CACNA2D3: variants seen among roughly 807,000 people sequenced by gnomAD.
CACNA2D3 encodes the protein calcium voltage-gated channel auxiliary subunit alpha2delta 3.
Under a neutral mutation model 160.6 loss-of-function variants are expected in CACNA2D3, and 60 were observed. The observed-to-expected ratio is 0.37, with a 90% CI of 0.30 to 0.46. The LOEUF (loss-of-function observed/expected upper bound fraction) is 0.46, where lower values mean the gene tolerates loss of function less well. Among genes scored for constraint, CACNA2D3 ranks in the 20% least tolerant of loss-of-function variants. CACNA2D3 has a pLI of 1.00. For synonymous variants in CACNA2D3, 558 were observed against 492.9 expected, an observed-to-expected ratio of 1.13 and a Z score of -1.75; for missense variants, 1,205 against 1,365.0, an observed-to-expected ratio of 0.88 and a Z score of 1.85.
chr3:54,675,791 G>A (rs1487465041), intron 11 of CACNA2D3, among the ~76,000 whole-genome samples: 2 of 152,252 alleles, frequency 1.3e-5, no homozygotes, highest in East Asian at 1.9e-4. Context: ...GAAGAGTGAC[G>A]AAAGTAAAGG....
chr3:54,149,928 T>TCC lies in CACNA2D3; in HGVS notation c.204+26335_204+26336insCC, dbSNP rs1700112205. Among the ~76,000 whole-genome samples the TCC allele has an allele frequency of 1.5e-3, 52 of 35,540 alleles. 1 individual carries two copies. The highest frequency in any genetic ancestry group is 3.2e-3 in the Admixed American group (12 of 3,756). The allele number at this position is 35,540 out of a possible 152,430, so 23.3% of individuals were successfully genotyped here. On this transcript the variant is annotated intron_variant, in intron 2 of 37. Coordinates refer to ENST00000474759, the MANE Select transcript of CACNA2D3 (RefSeq NM_018398.3). ...CTCTCTCTCTCTCTCTCTCTCTCTC[T>TCC]CTCCCTCCCTCCCTCCCTCCCTCCC...
intron 27 of CACNA2D3, among the ~76,000 whole-genome samples, chr3:54,928,463 C>G (rs1211233370): frequency 1.3e-5 from 2 of 152,116 alleles, no homozygotes; most frequent in African/African-American, 4.8e-5. Flanking sequence ...GCAGAGCCCG[C>G]AGAGTGTGTA....
intron 2 of CACNA2D3, among the ~76,000 whole-genome samples, chr3:54,288,061 A>G (rs539214900): frequency 6.6e-6 from 1 of 152,228 alleles, no homozygotes; most frequent in Non-Finnish European, 1.5e-5. Flanking sequence ...AAGGCAAGAA[A>G]TAACTAAAAT....
intron 13 of CACNA2D3, among the ~76,000 whole-genome samples, chr3:54,790,571 G>C (rs1293991986): frequency 6.6e-6 from 1 of 152,124 alleles, no homozygotes; most frequent in African/African-American, 2.4e-5. Context: ...AACTCTACAG[G>C]TGCACCTTCT....
intron 29 of CACNA2D3, among the ~76,000 whole-genome samples, chr3:54,984,362 A>G (rs550501063): frequency 2.0e-5 from 3 of 151,810 alleles, no homozygotes; most frequent in South Asian, 4.2e-4. Flanking sequence ...ATTTTATTCC[A>G]ATCTGGATCA....
rs1366073148 is a variant in CACNA2D3 at position 55,004,748 on chromosome 3, AT to A, written c.2691-12del. Reference sequence around the variant, plus strand: ...TTCTCATTTAGTGAAGCTCCCTTCCATTTCTTTCCTGTAGAATTACCCTTTA... The same window carrying A: ...TTCTCATTTAGTGAAGCTCCCTTCCATTCTTTCCTGTAGAATTACCCTTTA... On this transcript the variant is annotated splice_polypyrimidine_tract_variant and intron_variant, in intron 31 of 37. Transcript: ENST00000474759. 6.3e-7 allele frequency: 1 copy of A among 1,598,018 alleles called. No individual in the cohort carries two copies. The highest frequency in any genetic ancestry group is 2.2e-5 in the East Asian group (1 of 44,752).
intron 2 of CACNA2D3, among the ~76,000 whole-genome samples, chr3:54,201,176 A>T (rs895841974): frequency 3.3e-5 from 5 of 152,240 alleles, no homozygotes; most frequent in African/African-American, 9.6e-5. Context: ...CACGTTTTGT[A>T]TATATTGGAT....
intron 11 of CACNA2D3, among the ~76,000 whole-genome samples, chr3:54,643,412 A>T (rs1200011709): frequency 1.3e-5 from 2 of 151,964 alleles, no homozygotes; most frequent in Non-Finnish European, 2.9e-5. Flanking sequence ...TGGTCCCCAA[A>T]TGGGTGCCAA....
intron 2 of CACNA2D3, among the ~76,000 whole-genome samples, chr3:54,259,335 TG>T (rs2107437397): frequency 6.6e-6 from 1 of 152,360 alleles, no homozygotes; most frequent in African/African-American, 2.4e-5. Context: ...CTGAGAGTTT[TG>T]ATCAAGAGAA....
At chr3:54,996,818 T>C (rs2360666) in intron 31 of CACNA2D3, among the ~76,000 whole-genome samples, 72,182 of 151,950 alleles carry the variant, frequency 0.48, 17,510 homozygotes, top group East Asian at 0.56. Flanking sequence ...GTGGCACATA[T>C]ACACCATGGA....
chr3:54,979,506 CAGA>C (rs1224546289), intron 29 of CACNA2D3, among the ~76,000 whole-genome samples: 1 of 152,126 alleles, frequency 6.6e-6, no homozygotes, highest in African/African-American at 2.4e-5. Context: ...AATTTTTTCG[CAGA>C]AGTATAGTTT....
At chr3:54,206,612 A>G (rs567662822) in intron 2 of CACNA2D3, among the ~76,000 whole-genome samples, 2 of 152,304 alleles carry the variant, frequency 1.3e-5, no homozygotes, top group East Asian at 1.9e-4. Flanking sequence ...TGTAGCAGCC[A>G]TGTTGCACTA....
chr3:54,394,234 G>A (rs966020138), intron 4 of CACNA2D3, among the ~76,000 whole-genome samples: 6 of 151,920 alleles, frequency 3.9e-5, no homozygotes, highest in Non-Finnish European at 4.4e-5. Context: ...TCCCCGGAGC[G>A]GCCTTAGCTG....
intron 3 of CACNA2D3, among the ~76,000 whole-genome samples, chr3:54,344,283 C>G (rs780309289): frequency 1.1e-4 from 17 of 152,134 alleles, no homozygotes; most frequent in Non-Finnish European, 2.4e-4. Flanking sequence ...GTCTGGACTT[C>G]TGACTTGATT....
chr3:54,735,511 C>T (rs148872533), intron 11 of CACNA2D3, among the ~76,000 whole-genome samples: 8 of 152,302 alleles, frequency 5.3e-5, no homozygotes, highest in Admixed American at 1.3e-4. Flanking sequence ...GATGACCCTT[C>T]GCATTGCTGT....
chr3:54,859,662 C>T (rs561294081), intron 17 of CACNA2D3, among the ~76,000 whole-genome samples: 21 of 152,144 alleles, frequency 1.4e-4, no homozygotes, highest in African/African-American at 4.8e-4. Flanking sequence ...TTGGCTTGGC[C>T]ACTTCTGTGT....
chr3:54,658,222 T>C (rs1178760481), intron 11 of CACNA2D3, among the ~76,000 whole-genome samples: 1 of 152,254 alleles, frequency 6.6e-6, no homozygotes. Flanking sequence ...CTGGATTATA[T>C]GGCAGTTTTA....
chr3:54,252,308 G>T (rs971928887), intron 2 of CACNA2D3, among the ~76,000 whole-genome samples: 1 of 152,004 alleles, frequency 6.6e-6, no homozygotes, highest in African/African-American at 2.4e-5. Context: ...GTCATACTAT[G>T]GATATACAAG....
intron 11 of CACNA2D3, among the ~76,000 whole-genome samples, chr3:54,682,055 TG>T (rs1009520101): frequency 1.3e-5 from 2 of 151,676 alleles, no homozygotes; most frequent in African/African-American, 2.4e-5. Flanking sequence ...AAAACAAATA[TG>T]GGGGGGATTT....
Sources: gnomAD v4.1 joint callset for allele counts (sites outside exome capture counted in the v4.1 genomes callset) on GRCh38, gnomAD v4.1.1 for gene constraint, MANE v1.5 for transcripts, NCBI Gene and HGNC (gene_info 2026-07-23, HGNC 2026-07-21) for gene names.